CDH13: variants seen among roughly 807,000 people sequenced by gnomAD.
CDH13 encodes the protein cadherin 13, also known as cadherin-13.
Under a neutral mutation model 63.8 loss-of-function variants are expected in CDH13, and 24 were observed. The ratio of observed to expected loss-of-function variants is 0.38; its 90% CI spans 0.27 to 0.53. CDH13 has a LOEUF of 0.53. Ranked by LOEUF, CDH13 falls within the 20% of genes least tolerant of loss-of-function variation. The probability of loss-of-function intolerance (pLI) is 0.85; values close to 1 mark genes in which losing one functional copy is unlikely to be tolerated. For missense variants in CDH13, 1,049 were observed against 903.1 expected, an observed-to-expected ratio of 1.16 and a Z score of -2.07; for synonymous variants, 503 against 355.3, an observed-to-expected ratio of 1.42 and a Z score of -4.67.
intron 4 of CDH13, among the ~76,000 whole-genome samples, chr16:83,179,618 C>T (rs1303651047): frequency 2.6e-5 from 4 of 151,438 alleles, no homozygotes; most frequent in African/African-American, 9.7e-5. Flanking sequence ...CGCCACGGCA[C>T]TCCAGCCTGG....
At chr16:83,702,981 C>G (rs1208352915) in intron 10 of CDH13, among the ~76,000 whole-genome samples, 2 of 152,202 alleles carry the variant, frequency 1.3e-5, no homozygotes, top group Non-Finnish European at 2.9e-5. Context: ...GCTTACAGTC[C>G]TCTGGGTAGA....
intron 1 of CDH13, among the ~76,000 whole-genome samples, chr16:82,775,984 C>A (rs982562471): frequency 1.4e-4 from 21 of 152,114 alleles, no homozygotes; most frequent in Admixed American, 1.4e-3. Flanking sequence ...CTGAGGCCAG[C>A]AGATCACTTG....
chr16:83,440,909 T>A lies in CDH13; in HGVS notation c.782-45568T>A, dbSNP rs2151494976. Among the ~76,000 whole-genome samples, 3 of 152,226 alleles carry A rather than the reference T, an allele frequency of 2.0e-5. No individual in the cohort carries two copies. In the Middle Eastern group the frequency reaches 0.01, roughly 518 times the overall value. On this transcript the variant is annotated intron_variant, in intron 6 of 13. Transcript: ENST00000567109. Reference sequence around the variant, plus strand: ...AGCGAAGAAAAGATGAACCCATGACTGTGACCTACCTGGAGGGTAGACATT... The same window carrying A: ...AGCGAAGAAAAGATGAACCCATGACAGTGACCTACCTGGAGGGTAGACATT...
At chr16:83,450,350 C>T (rs1283210917) in intron 6 of CDH13, among the ~76,000 whole-genome samples, 2 of 152,260 alleles carry the variant, frequency 1.3e-5, no homozygotes, top group East Asian at 1.9e-4. Context: ...GTTGGACCAG[C>T]AACAAGTGAC....
At position 83,286,423 on chromosome 16, in the gene CDH13, C is replaced by G. The variant is rs190878590; in HGVS notation, c.637-58439C>G. Reference sequence around the variant, plus strand: ...GCATGCTCCCTCTGGTCAGAGGCAGCTTTACAGATGTACAAATTTGGGTGA... The same window carrying G: ...GCATGCTCCCTCTGGTCAGAGGCAGGTTTACAGATGTACAAATTTGGGTGA... On this transcript the variant is annotated intron_variant, in intron 5 of 13. Transcript: ENST00000567109. Among the ~76,000 whole-genome samples the G allele has an allele frequency of 2.0e-5, 3 of 152,300 alleles. No homozygotes were observed. The East Asian group carries it at 5.8e-4, about 29-fold the overall frequency.
intron 5 of CDH13, among the ~76,000 whole-genome samples, chr16:83,222,201 A>G (rs150382275): frequency 1.2e-3 from 179 of 152,334 alleles, no homozygotes; most frequent in Admixed American, 3.3e-3. Flanking sequence ...ATTTGCTCAC[A>G]TTTCATACTA....
rs558205721 is a variant in CDH13 at position 83,658,860 on chromosome 16, C to T, written c.1102-11930C>T. On this transcript the variant is annotated intron_variant, in intron 8 of 13. Transcript: ENST00000567109. ...CTCACCACCAGGTCCCGTATCCTCA[C>T]CAGCAAGGTCTCCTGTCCTCACCAC... 2.8e-5 allele frequency among the ~76,000 whole-genome samples: 4 copies of T among 143,100 alleles called. No individual in the cohort carries two copies. In the East Asian group the frequency reaches 9.1e-4, roughly 33 times the overall value. The allele number at this position is 143,100 out of a possible 152,430, so 93.9% of individuals were successfully genotyped here.
rs1388258642 is a variant in CDH13, at chr16:83,006,920, G to GTT, written c.158-25088_158-25087dup. On this transcript the variant is annotated intron_variant, in intron 2 of 13. Coordinates refer to ENST00000567109, the MANE Select transcript of CDH13 (RefSeq NM_001257.5). ...TTTGATTTTTTTTGTTTGTTTGTTT[G>GTT]TTTGTTTGTTTGTTTTTTTTGAGAC... is the stretch of plus-strand genomic sequence containing the variant. Among the ~76,000 whole-genome samples, 290 of 125,658 alleles carry GTT rather than the reference G, an allele frequency of 2.3e-3. 8 individuals carry two copies. Among genetic ancestry groups the GTT allele is most frequent in the African/African-American group, 7.2e-3 (246 of 33,952 alleles). The allele number at this position is 125,658 out of a possible 152,430, so 82.4% of individuals were successfully genotyped here. A position where few individuals can be genotyped will look rare whatever the true frequency, so the allele number is the denominator to read the frequency against.
chr16:83,435,563 CT>C (rs1042638277), intron 6 of CDH13, among the ~76,000 whole-genome samples: 3 of 152,158 alleles, frequency 2.0e-5, no homozygotes, highest in African/African-American at 7.2e-5. Flanking sequence ...GTAGTCCACC[CT>C]GGTCTCCCTG....
intron 1 of CDH13, among the ~76,000 whole-genome samples, chr16:82,822,851 C>G (rs147278877): frequency 3.1e-3 from 479 of 152,282 alleles, no homozygotes; most frequent in Non-Finnish European, 5.4e-3. Flanking sequence ...ATTTTATTAT[C>G]GTCTCTCACA....
At chr16:83,449,797 G>T (rs776332756) in intron 6 of CDH13, among the ~76,000 whole-genome samples, 4 of 152,164 alleles carry the variant, frequency 2.6e-5, no homozygotes, top group Non-Finnish European at 5.9e-5. Context: ...GGACGTTAAC[G>T]CTGGGACGTA....
chr16:83,230,824 A>T (rs2039981697), intron 5 of CDH13, among the ~76,000 whole-genome samples: 1 of 152,192 alleles, frequency 6.6e-6, no homozygotes, highest in Non-Finnish European at 1.5e-5. Flanking sequence ...GAAGACAAGT[A>T]TTTCTTGGGA....
intron 8 of CDH13, among the ~76,000 whole-genome samples, chr16:83,619,216 G>C (rs1909576295): frequency 6.6e-6 from 1 of 152,190 alleles, no homozygotes; most frequent in Admixed American, 6.5e-5. Context: ...TGATAAGCTA[G>C]AGCGCAGGGC....
chr16:82,840,187 C>G (rs1317074012), intron 1 of CDH13, among the ~76,000 whole-genome samples: 2 of 152,000 alleles, frequency 1.3e-5, no homozygotes, highest in African/African-American at 4.8e-5. Context: ...TTCAGATACA[C>G]CGATTTTGTT....
At chr16:83,330,710 C>T (rs2090462933) in intron 5 of CDH13, among the ~76,000 whole-genome samples, 1 of 152,204 alleles carries the variant, frequency 6.6e-6, no homozygotes, top group Admixed American at 6.5e-5. Context: ...TCAGATTGCA[C>T]TGGTCCTGGG....
At chr16:83,566,328 C>T (rs1345970698) in intron 7 of CDH13, among the ~76,000 whole-genome samples, 1 of 152,206 alleles carries the variant, frequency 6.6e-6, no homozygotes, top group Admixed American at 6.5e-5. Context: ...AATATCTGCC[C>T]TTTCCCCAAC....
chr16:83,703,576 T>C (rs1906566665), intron 10 of CDH13, among the ~76,000 whole-genome samples: 1 of 152,234 alleles, frequency 6.6e-6, no homozygotes, highest in Non-Finnish European at 1.5e-5. Flanking sequence ...AGACTTTGAA[T>C]AAAATGTCTA....
chr16:82,881,527 C>T (rs915041667), intron 2 of CDH13, among the ~76,000 whole-genome samples: 4 of 152,128 alleles, frequency 2.6e-5, no homozygotes, highest in Non-Finnish European at 5.9e-5. Context: ...GGAGCCATGA[C>T]CTTAGAGGAA....
chr16:83,153,642 C>G (rs1186434608), intron 4 of CDH13, among the ~76,000 whole-genome samples: 1 of 152,180 alleles, frequency 6.6e-6, no homozygotes, highest in East Asian at 1.9e-4. Flanking sequence ...GGACTGTTTT[C>G]ACTGTCTCAG....
Sources: allele counts gnomAD v4.1 joint callset (sites outside exome capture counted in the v4.1 genomes callset), GRCh38; gene constraint gnomAD v4.1.1; transcripts MANE v1.5; gene names NCBI Gene and HGNC (gene_info 2026-07-23, HGNC 2026-07-21).